Variants in LIMS4 observed in about 807,000 individuals in gnomAD.
The protein encoded by LIMS4 is LIM zinc finger domain containing 4.
the LIMS4 span, among the ~76,000 whole-genome samples, chr2:110,419,704 G>A: frequency 4.0e-5 from 1 of 24,938 alleles, no homozygotes; most frequent in Non-Finnish European, 6.2e-5. Context: ...TTTGAAAACA[G>A]CCAATATGTC....
the LIMS4 span, among the ~76,000 whole-genome samples, chr2:110,424,793 A>G: frequency 2.8e-5 from 4 of 143,758 alleles, no homozygotes; most frequent in African/African-American, 1.1e-4. Context: ...AAATGCACCA[A>G]TCAGGAACTT....
chr2:110,385,279 G>A, the LIMS4 span, among the ~76,000 whole-genome samples: 4 of 150,538 alleles, frequency 2.7e-5, no homozygotes, highest in African/African-American at 1.0e-4. Context: ...GTAGTCCTAT[G>A]ACCAGCTTTT....
the LIMS4 span, among the ~76,000 whole-genome samples, chr2:110,425,293 T>C: frequency 7.0e-6 from 1 of 142,330 alleles, no homozygotes; most frequent in Admixed American, 6.9e-5. Flanking sequence ...AGATGAAGGA[T>C]GGCTTGAGCT....
the LIMS4 span, chr2:110,362,705 TA>T: frequency 2.0e-6 from 1 of 508,906 alleles, no homozygotes; most frequent in African/African-American, 1.9e-5. Flanking sequence ...GTTTGGGATG[TA>T]AATGGACTGG....
chr2:110,360,681 A>C, the LIMS4 span: 1 of 1,598,212 alleles, frequency 6.3e-7, no homozygotes, highest in African/African-American at 1.4e-5. Flanking sequence ...TTTTTAAGGC[A>C]GCTTCAGTTT....
the LIMS4 span, chr2:110,386,400 T>C: frequency 6.7e-6 from 2 of 300,288 alleles, no homozygotes; most frequent in Non-Finnish European, 1.1e-5. Flanking sequence ...TTTTTTTTTC[T>C]ATTTTTTTTT....
the LIMS4 span, among the ~76,000 whole-genome samples, chr2:110,372,698 G>T: frequency 6.7e-6 from 1 of 148,850 alleles, no homozygotes; most frequent in Non-Finnish European, 1.5e-5. Context: ...TAGAGATGGG[G>T]TTTTGCCATG....
chr2:110,360,712 T>G, the LIMS4 span: 2 of 1,604,440 alleles, frequency 1.2e-6, no homozygotes, highest in Non-Finnish European at 1.7e-6. Context: ...TGCGCACACT[T>G]TGCACTTTCT....
the LIMS4 span, among the ~76,000 whole-genome samples, chr2:110,424,969 C>T: frequency 1.4e-5 from 2 of 144,028 alleles, no homozygotes; most frequent in East Asian, 4.0e-4. Context: ...AAAAGCTGGC[C>T]ACCACCCCAG....
the LIMS4 span, among the ~76,000 whole-genome samples, chr2:110,382,414 T>C: frequency 2.7e-5 from 1 of 36,666 alleles, no homozygotes; most frequent in Non-Finnish European, 4.8e-5. Context: ...CCCCTCGACA[T>C]TGCTGGCAGG....
At chr2:110,367,905 C>G in the LIMS4 span, among the ~76,000 whole-genome samples, 1 of 143,874 alleles carries the variant, frequency 7.0e-6, no homozygotes, top group Non-Finnish European at 1.5e-5. Flanking sequence ...AATTCTGGAA[C>G]TAGAGAGTGT....
chr2:110,379,207 GTTGC>G, the LIMS4 span, among the ~76,000 whole-genome samples: 300 of 148,430 alleles, frequency 2.0e-3, no homozygotes, highest in Middle Eastern at 0.014. Context: ...TGGTTGGTTG[GTTGC>G]TTGCTTGCTT....
the LIMS4 span, among the ~76,000 whole-genome samples, chr2:110,425,222 T>G: frequency 7.1e-6 from 1 of 141,726 alleles, no homozygotes; most frequent in Non-Finnish European, 1.5e-5. Context: ...CCAGACCAGA[T>G]CTCTTTAAAA....
At chr2:110,382,065 C>CAA in the LIMS4 span, among the ~76,000 whole-genome samples, 1 of 10,084 alleles carries the variant, frequency 9.9e-5, no homozygotes, top group Non-Finnish European at 1.7e-4. Flanking sequence ...GACTCCGTCT[C>CAA]AAAAAAAAAA....
the LIMS4 span, among the ~76,000 whole-genome samples, chr2:110,370,866 CAGAGT>C: frequency 6.5e-5 from 9 of 138,456 alleles, no homozygotes; most frequent in Admixed American, 6.5e-4. Context: ...ATAACTAGGT[CAGAGT>C]AGAGTTTTTA....
chr2:110,392,411 C>T, the LIMS4 span, among the ~76,000 whole-genome samples: 2 of 149,818 alleles, frequency 1.3e-5, no homozygotes, highest in African/African-American at 5.0e-5. Flanking sequence ...TGCACTCCAG[C>T]CTGGGCGACA....
the LIMS4 span, among the ~76,000 whole-genome samples, chr2:110,391,140 G>C: frequency 1.1e-4 from 16 of 151,330 alleles, no homozygotes; most frequent in Non-Finnish European, 5.9e-5. Context: ...GAGGGAGCTG[G>C]GGGGAGAGCA....
chr2:110,433,820 GA>G, the LIMS4 span: 6 of 53,104 alleles, frequency 1.1e-4, no homozygotes, highest in South Asian at 4.6e-3. Flanking sequence ...TCATTGTAAA[GA>G]GTTGAAACTA....
chr2:110,411,266 AT>A, the LIMS4 span, among the ~76,000 whole-genome samples: 1 of 116,644 alleles, frequency 8.6e-6, no homozygotes, highest in Middle Eastern at 3.8e-3. Context: ...AATATCAATT[AT>A]TTTTTTCATT....
Sources: gnomAD v4.1 joint callset for allele counts (sites outside exome capture counted in the v4.1 genomes callset) on GRCh38, gnomAD v4.1.1 for gene constraint, MANE v1.5 for transcripts, NCBI Gene and HGNC (gene_info 2026-07-23, HGNC 2026-07-21) for gene names.